The following TAFA5 variants were observed in gnomAD, a reference collection of about 807,000 sequenced individuals.
The protein encoded by TAFA5 is chemokine-like protein TAFA-5.
A neutral mutation model predicts 15.3 loss-of-function variants in TAFA5; 6 were observed. The ratio of observed to expected loss-of-function variants is 0.39; its 90% CI spans 0.21 to 0.77. The LOEUF is 0.77. Among genes scored for constraint, TAFA5 ranks in the 30% least tolerant of loss-of-function variants. TAFA5 has a pLI of 0.41. For missense variants in TAFA5, 161 were observed against 193.1 expected, an observed-to-expected ratio of 0.83 and a Z score of 0.98; for synonymous variants, 103 against 80.7, an observed-to-expected ratio of 1.28 and a Z score of -1.48.
intron 2 of TAFA5, among the ~76,000 whole-genome samples, chr22:48,658,730 C>T (rs565894831): frequency 2.0e-5 from 3 of 152,334 alleles, no homozygotes; most frequent in East Asian, 3.9e-4. Flanking sequence ...GAGAACGTCT[C>T]TCTTCTGTCC....
chr22:48,501,494 C>T (rs1920951665), intron 1 of TAFA5, among the ~76,000 whole-genome samples: 2 of 152,166 alleles, frequency 1.3e-5, no homozygotes, highest in Admixed American at 6.5e-5. Flanking sequence ...CCTTCCTGGT[C>T]CTGGCCCATC....
In TAFA5 at chr22:48,730,657, T is replaced by C. The variant is rs80162456; in HGVS notation, c.391-19182T>C. On this transcript the variant is annotated intron_variant, in intron 3 of 3. Coordinates refer to ENST00000402357, the MANE Select transcript of TAFA5 (RefSeq NM_001082967.3). ...GTATTTCAAACTTTATTACTATATC[T>C]GTTACGGTGATCTGTGATCATTGAG... Among the ~76,000 whole-genome samples the C allele has an allele frequency of 6.0e-3, 907 of 152,332 alleles. 9 individuals are homozygous for C. Among genetic ancestry groups the C allele is most frequent in the Non-Finnish European group, 6.2e-3 (425 of 68,038 alleles).
At chr22:48,536,297 A>G (rs1601562327) in intron 1 of TAFA5, among the ~76,000 whole-genome samples, 1 of 152,330 alleles carries the variant, frequency 6.6e-6, no homozygotes, top group Middle Eastern at 3.4e-3. Context: ...ATAGAGGGAG[A>G]ATTGTCTATC....
chr22:48,655,191 T>C (rs4925394), intron 2 of TAFA5, among the ~76,000 whole-genome samples: 120,440 of 152,078 alleles, frequency 0.79, 47,860 homozygotes, highest in East Asian at 0.91. Context: ...CCAGACCCCC[T>C]GGCTGCTCCT....
At chr22:48,584,501 C>T (rs1924252044) in intron 1 of TAFA5, among the ~76,000 whole-genome samples, 1 of 116,814 alleles carries the variant, frequency 8.6e-6, no homozygotes, top group Non-Finnish European at 2.0e-5. Context: ...ACACAAAATA[C>T]ACCACACACA....
intron 1 of TAFA5, among the ~76,000 whole-genome samples, chr22:48,638,078 A>G (rs1309180358): frequency 3.9e-5 from 6 of 151,992 alleles, no homozygotes. Flanking sequence ...GGCGAAGAGC[A>G]CTCACCTGCG....
intron 1 of TAFA5, among the ~76,000 whole-genome samples, chr22:48,594,484 G>A (rs964206894): frequency 2.6e-5 from 4 of 152,246 alleles, no homozygotes; most frequent in African/African-American, 9.6e-5. Flanking sequence ...GCTGGGATAG[G>A]GAGGGCTGGG....
At chr22:48,682,528 A>G (rs996788976) in intron 2 of TAFA5, among the ~76,000 whole-genome samples, 2 of 152,360 alleles carry the variant, frequency 1.3e-5, no homozygotes, top group East Asian at 1.9e-4. Flanking sequence ...TGACATCCTT[A>G]CCAGCGGTTG....
At chr22:48,691,611 CTCT>C (rs943701559) in intron 2 of TAFA5, among the ~76,000 whole-genome samples, 2 of 152,178 alleles carry the variant, frequency 1.3e-5, no homozygotes, top group African/African-American at 2.4e-5. Context: ...CAGGAGCAGG[CTCT>C]TCTTCTGCCC....
intron 1 of TAFA5, among the ~76,000 whole-genome samples, chr22:48,641,916 A>G (rs972263109): frequency 1.3e-5 from 2 of 152,160 alleles, no homozygotes; most frequent in Non-Finnish European, 2.9e-5. Flanking sequence ...CTTATTTAAA[A>G]ACAAAAAAAG....
chr22:48,698,164 ATAG>A (rs774348829), intron 2 of TAFA5, among the ~76,000 whole-genome samples: 52 of 150,874 alleles, frequency 3.4e-4, no homozygotes, highest in Admixed American at 7.2e-4. Flanking sequence ...GATGATAGTG[ATAG>A]TAGTGATGAT....
intron 1 of TAFA5, among the ~76,000 whole-genome samples, chr22:48,623,030 T>C (rs1925894539): frequency 6.6e-6 from 1 of 152,210 alleles, no homozygotes; most frequent in Non-Finnish European, 1.5e-5. Flanking sequence ...GACGGCCCTC[T>C]CCATCTCTCT....
In TAFA5 at chr22:48,538,630, C is replaced by T. The variant is rs550168008; in HGVS notation, c.112+48926C>T. Among the ~76,000 whole-genome samples the T allele has an allele frequency of 5.3e-3, 809 of 152,310 alleles. 1 individual carries two copies. Among genetic ancestry groups the T allele is most frequent in the Non-Finnish European group, 9.3e-3 (632 of 68,012 alleles). On this transcript the variant is annotated intron_variant, in intron 1 of 3. Transcript: ENST00000402357. ...GTCTGCCGTGCTCTCTGCTCCGGGC[C>T]GCGGTGGGCTCAGGTCTCTTCCACG... is the stretch of plus-strand genomic sequence containing the variant.
chr22:48,536,159 GTC>G (rs1444030094), intron 1 of TAFA5, among the ~76,000 whole-genome samples: 1 of 152,132 alleles, frequency 6.6e-6, no homozygotes, highest in Non-Finnish European at 1.5e-5. Context: ...GTAGGTGTGG[GTC>G]TCTGTCTTCA....
At chr22:48,700,533 C>T (rs1056663925) in intron 2 of TAFA5, among the ~76,000 whole-genome samples, 3 of 152,136 alleles carry the variant, frequency 2.0e-5, no homozygotes, top group African/African-American at 7.2e-5. Flanking sequence ...CTGGGGGTGC[C>T]CCTTGGGTAG....
chr22:48,619,666 G>A (rs922172226), intron 1 of TAFA5, among the ~76,000 whole-genome samples: 2 of 152,210 alleles, frequency 1.3e-5, no homozygotes, highest in Admixed American at 6.5e-5. Flanking sequence ...TGGCAAAGAC[G>A]GGCTGGCCCC....
At chr22:48,593,861 G>A (rs950151213) in intron 1 of TAFA5, among the ~76,000 whole-genome samples, 1 of 152,182 alleles carries the variant, frequency 6.6e-6, no homozygotes, top group African/African-American at 2.4e-5. Flanking sequence ...GCAACTGTGA[G>A]CATCCGAGGT....
intron 2 of TAFA5, among the ~76,000 whole-genome samples, chr22:48,677,459 C>T (rs1057269767): frequency 1.2e-4 from 19 of 152,344 alleles, no homozygotes; most frequent in African/African-American, 4.1e-4. Context: ...TTCCCGTGTT[C>T]TTGAGGGACT....
At chr22:48,526,070 C>T (rs1296002440) in intron 1 of TAFA5, among the ~76,000 whole-genome samples, 1 of 152,248 alleles carries the variant, frequency 6.6e-6, no homozygotes, top group Non-Finnish European at 1.5e-5. Context: ...CCTGGGTGGT[C>T]TCAGTCACTG....
Sources: allele counts gnomAD v4.1 joint callset (sites outside exome capture counted in the v4.1 genomes callset), GRCh38; gene constraint gnomAD v4.1.1; transcripts MANE v1.5; gene names NCBI Gene and HGNC (gene_info 2026-07-23, HGNC 2026-07-21).